PLCXD3: variants seen among roughly 807,000 people sequenced by gnomAD.
PLCXD3 encodes the protein phosphatidylinositol specific phospholipase C X domain containing 3.
A neutral mutation model predicts 25.5 loss-of-function variants in PLCXD3; 19 were observed. The observed-to-expected ratio is 0.75, with a 90% CI of 0.52 to 1.09. PLCXD3 has a LOEUF of 1.09. PLCXD3 is among the 50% of genes least tolerant of loss of function. The pLI, the probability that PLCXD3 is intolerant of heterozygous loss-of-function variation, is 0.00. For missense variants in PLCXD3, 411 were observed against 388.1 expected, an observed-to-expected ratio of 1.06 and a Z score of -0.50; for synonymous variants, 174 against 137.6, an observed-to-expected ratio of 1.26 and a Z score of -1.85.
At chr5:41,498,871 A>G (rs12655176) in intron 1 of PLCXD3, among the ~76,000 whole-genome samples, 32,260 of 151,696 alleles carry the variant, frequency 0.21, 3,425 homozygotes, top group East Asian at 0.28. Context: ...AATTAATGTG[A>G]TATACCATGT....
chr5:41,368,979 A>G (rs137971165), intron 2 of PLCXD3, among the ~76,000 whole-genome samples: 2 of 152,176 alleles, frequency 1.3e-5, no homozygotes, highest in Non-Finnish European at 2.9e-5. Context: ...CTCCATCTTT[A>G]TTACTTGTAA....
intron 1 of PLCXD3, among the ~76,000 whole-genome samples, chr5:41,486,598 A>C (rs952755726): frequency 6.6e-6 from 1 of 152,186 alleles, no homozygotes; most frequent in Non-Finnish European, 1.5e-5. Context: ...AGAAAATTTG[A>C]GAGTCTTCAA....
intron 1 of PLCXD3, among the ~76,000 whole-genome samples, chr5:41,437,250 G>A (rs1747275866): frequency 6.6e-6 from 1 of 152,202 alleles, no homozygotes; most frequent in African/African-American, 2.4e-5. Context: ...GGAATACTGA[G>A]ACTTCAGGCC....
At chr5:41,431,243 T>C (rs1297902554) in intron 1 of PLCXD3, among the ~76,000 whole-genome samples, 1 of 152,168 alleles carries the variant, frequency 6.6e-6, no homozygotes, top group Non-Finnish European at 1.5e-5. Context: ...TAAAAAGTGG[T>C]TATAGATAGA....
chr5:41,333,011 G>A (rs1484883601), intron 2 of PLCXD3, among the ~76,000 whole-genome samples: 1 of 152,052 alleles, frequency 6.6e-6, no homozygotes, highest in African/African-American at 2.4e-5. Flanking sequence ...GAGTTAACGG[G>A]TGCAGCACAC....
At chr5:41,437,775 G>A (rs1386514500) in intron 1 of PLCXD3, among the ~76,000 whole-genome samples, 1 of 152,188 alleles carries the variant, frequency 6.6e-6, no homozygotes, top group Non-Finnish European at 1.5e-5. Context: ...AGGTTGGATT[G>A]AAAGAGTGGT....
chr5:41,370,018 C>T (rs1745046817), intron 2 of PLCXD3, among the ~76,000 whole-genome samples: 1 of 152,170 alleles, frequency 6.6e-6, no homozygotes. Context: ...CATACCGCTT[C>T]CTCCAGATAG....
chr5:41,493,817 C>T lies in PLCXD3; in HGVS notation c.103+16607G>A, dbSNP rs182805542. The stretch of plus-strand genomic sequence containing the variant: ...GCGCAGTATTGGGGTGGGAGTGACC[C>T]GATTTTCCAGGTGCCGTCTGTCACC... On this transcript the variant is annotated intron_variant, in intron 1 of 2. Transcript: ENST00000377801. Among the ~76,000 whole-genome samples, 504 of 152,312 alleles carry T rather than the reference C, an allele frequency of 3.3e-3. 4 individuals carry two copies. Among genetic ancestry groups the T allele is most frequent in the African/African-American group, 0.011 (471 of 41,564 alleles).
chr5:41,363,434 T>C (rs767235836), intron 2 of PLCXD3, among the ~76,000 whole-genome samples: 1 of 152,350 alleles, frequency 6.6e-6, no homozygotes, highest in East Asian at 1.9e-4. Context: ...TCTTATTCTA[T>C]GACAGATGAC....
chr5:41,367,763 A>T (rs1744978505), intron 2 of PLCXD3, among the ~76,000 whole-genome samples: 1 of 151,992 alleles, frequency 6.6e-6, no homozygotes. Flanking sequence ...TAGGGTTTTT[A>T]TAGTTTTGGG....
At chr5:41,483,311 T>G (rs1036296255) in intron 1 of PLCXD3, among the ~76,000 whole-genome samples, 2 of 151,988 alleles carry the variant, frequency 1.3e-5, no homozygotes, top group African/African-American at 4.8e-5. Context: ...AATGAGTGAG[T>G]TTTGCATTAC....
rs1258447937 is a variant in PLCXD3, at chr5:41,308,160, G to A, written c.*5457C>T. ...TCTGAACACAAGGGTATGGAGGGAGGTAGATCTCGCCCCTTATAGATAGCC... is the reference window on the plus strand; with the variant it reads ...TCTGAACACAAGGGTATGGAGGGAGATAGATCTCGCCCCTTATAGATAGCC... On this transcript the variant is annotated 3_prime_UTR_variant, in exon 3 of 3. Transcript: ENST00000377801. 3 of 152,222 alleles carry A rather than the reference G, an allele frequency of 2.0e-5. No homozygotes were observed. Among genetic ancestry groups the A allele is most frequent in the South Asian group, 2.1e-4 (1 of 4,822 alleles). 9.4% of individuals were successfully genotyped at this position (152,222 alleles called of 1,614,324 possible). A position where few individuals can be genotyped will look rare whatever the true frequency, so the allele number is the denominator to read the frequency against.
intron 1 of PLCXD3, among the ~76,000 whole-genome samples, chr5:41,382,945 T>A (rs1745518013): frequency 6.6e-6 from 1 of 152,118 alleles, no homozygotes; most frequent in Non-Finnish European, 1.5e-5. Context: ...TGGGTTGATT[T>A]TAAGCCTAGA....
Position 41,336,153 on chromosome 5 carries a change from C to T in PLCXD3, c.813-22383G>A, listed in dbSNP as rs1486165464. Among the ~76,000 whole-genome samples the T allele has an allele frequency of 1.5e-4, 23 of 152,044 alleles. 1 individual carries two copies. Among genetic ancestry groups the T allele is most frequent in the Admixed American group, 1.4e-3 (22 of 15,258 alleles). ...ATTTAACTTCCCCAATTCTCATCTTCCTCGTTGTATAATGACAATAATAAT... is the reference window on the plus strand; with the variant it reads ...ATTTAACTTCCCCAATTCTCATCTTTCTCGTTGTATAATGACAATAATAAT... On this transcript the variant is annotated intron_variant, in intron 2 of 2. Transcript: ENST00000377801.
chr5:41,390,534 G>T (rs1314383511), intron 1 of PLCXD3, among the ~76,000 whole-genome samples: 2 of 152,088 alleles, frequency 1.3e-5, no homozygotes, highest in African/African-American at 4.8e-5. Context: ...AGTCTTTTTA[G>T]TATTAGTCAT....
At chr5:41,413,824 A>G (rs1561266299) in intron 1 of PLCXD3, among the ~76,000 whole-genome samples, 1 of 152,204 alleles carries the variant, frequency 6.6e-6, no homozygotes, top group Non-Finnish European at 1.5e-5. Context: ...TAGAGTTTAA[A>G]AAAAAATTCT....
chr5:41,397,370 C>T (rs1291163095), intron 1 of PLCXD3, among the ~76,000 whole-genome samples: 2 of 152,298 alleles, frequency 1.3e-5, no homozygotes, highest in Admixed American at 6.5e-5. Context: ...AAGCCCCAAG[C>T]CTTGGTGGCT....
intron 1 of PLCXD3, among the ~76,000 whole-genome samples, chr5:41,502,261 G>A (rs1748967116): frequency 6.6e-6 from 1 of 152,072 alleles, no homozygotes; most frequent in South Asian, 2.1e-4. Context: ...GTTCAATGGT[G>A]GGAAACTGAG....
At chr5:41,404,603 T>C (rs938678629) in intron 1 of PLCXD3, among the ~76,000 whole-genome samples, 2 of 152,288 alleles carry the variant, frequency 1.3e-5, no homozygotes, top group Non-Finnish European at 1.5e-5. Context: ...TTTATTGCTT[T>C]GAGCAGTGTC....
Sources: gnomAD v4.1 joint callset for allele counts (sites outside exome capture counted in the v4.1 genomes callset) on GRCh38, gnomAD v4.1.1 for gene constraint, MANE v1.5 for transcripts, NCBI Gene and HGNC (gene_info 2026-07-23, HGNC 2026-07-21) for gene names.